The following CHRNA10 variants were observed in gnomAD, a reference collection of about 807,000 sequenced individuals.
CHRNA10 encodes neuronal acetylcholine receptor subunit alpha-10.
Under a neutral mutation model 36.0 loss-of-function variants are expected in CHRNA10, and 31 were observed. The observed-to-expected ratio is 0.86, with a 90% CI of 0.65 to 1.16. The LOEUF (loss-of-function observed/expected upper bound fraction) is 1.16, where lower values mean the gene tolerates loss of function less well. CHRNA10 is among the 50% of genes most tolerant of loss of function. The probability of loss-of-function intolerance (pLI) is 0.00; values close to 1 mark genes in which losing one functional copy is unlikely to be tolerated. For synonymous variants in CHRNA10, 302 were observed against 287.0 expected (o/e 1.05, Z -0.53); for missense variants, 648 against 640.9 (o/e 1.01, Z -0.12).
At chr11:3,670,021 G>C in intron 1 of CHRNA10, 80 bp from the exon 2 acceptor site, 1 of 1,517,028 alleles carries the variant, frequency 6.6e-7, no homozygotes, top group Non-Finnish European at 9.1e-7. Context: ...TCCCAGGGCT[G>C]GGGCCCTGTC....
chr11:3,667,179 C>A, intron 4 of CHRNA10, 53 bp downstream of exon 4: 1 of 1,495,444 alleles, frequency 6.7e-7, no homozygotes, highest in Non-Finnish European at 8.9e-7. Context: ...CGCGGCCCCG[C>A]CCTGGGGGGA....
chr11:3,665,940 T>C lies in CHRNA10; in HGVS notation c.*167A>G. ...CTCTGGACTTCCTTTAGTTAGGGTG[T>C]GTAGACAATGAGTGCTCCCTTGTGG... On this transcript the variant is annotated 3_prime_UTR_variant, in exon 5 of 5. Coordinates refer to ENST00000250699, the MANE Select transcript of CHRNA10 (RefSeq NM_020402.4). 1.8e-6 allele frequency: 1 copy of C among 570,248 alleles called. No homozygotes were observed. The allele number at this position is 570,248 out of a possible 1,614,324, so 35.3% of individuals were successfully genotyped here.
At chr11:3,670,648 T>C (rs995886299) in intron 1 of CHRNA10, among the ~76,000 whole-genome samples, 3 of 152,152 alleles carry the variant, frequency 2.0e-5, no homozygotes, top group African/African-American at 7.2e-5. Flanking sequence ...TCTCAGCAAA[T>C]AGCATGCCCT....
At chr11:3,667,912 C>T (rs1384097286) in intron 3 of CHRNA10, 148 bp from the exon 4 acceptor site, 6 of 698,184 alleles carry the variant, frequency 8.6e-6, no homozygotes, top group African/African-American at 5.7e-5. Context: ...GAGACACTCA[C>T]GACGCAGGGG....
chr11:3,670,603 T>C (rs1188099816), intron 1 of CHRNA10, among the ~76,000 whole-genome samples: 6 of 152,294 alleles, frequency 3.9e-5, no homozygotes, highest in Non-Finnish European at 5.9e-5. Flanking sequence ...CCTCCCTCCA[T>C]GCTCTGAAAC....
rs1226800647 is a variant in CHRNA10, at chr11:3,665,597, A to T, written c.*510T>A. ...AGGGCATCGAGGAGGTGCTAGGTAC[A>T]CGCTTACTTTATTGAGTCAGGGATT... On this transcript the variant is annotated 3_prime_UTR_variant, in exon 5 of 5. Coordinates refer to ENST00000250699, the MANE Select transcript of CHRNA10 (RefSeq NM_020402.4). The T allele has an allele frequency of 2.6e-5, 4 of 153,060 alleles. No homozygotes were observed. Among genetic ancestry groups the T allele is most frequent in the Non-Finnish European group, 5.8e-5 (4 of 68,762 alleles). 9.5% of individuals were successfully genotyped at this position (153,060 alleles called of 1,614,324 possible). A position where few individuals can be genotyped will look rare whatever the true frequency, so the allele number is the denominator to read the frequency against.
Position 3,667,272 on chromosome 11 carries a change from C to G in CHRNA10, c.855G>C (p.Leu285=). The change falls in exon 4 of 5, where the codon CTG becomes CTC. Residue 285 remains leucine, a synonymous_variant. Transcript: ENST00000250699. ...LLALTVFQLL[L]AESMPPAESV... ...TCTCGGCCGGTGGCATGCTCTCGGC[C>G]AGCAGCAACTGGAAGACGGTGAGCG... 6.3e-7 allele frequency: 1 copy of G among 1,596,504 alleles called. No individual in the cohort carries two copies. Among genetic ancestry groups the G allele is most frequent in the South Asian group, 1.1e-5 (1 of 90,740 alleles).
chr11:3,667,388 A>C lies in CHRNA10; in HGVS notation c.739T>G (p.Cys247Gly). 6.2e-7 allele frequency: 1 copy of C among 1,601,748 alleles called. No homozygotes were observed. The highest frequency in any genetic ancestry group is 1.1e-5 in the South Asian group (1 of 90,910). Reference sequence around the variant, plus strand: ...GGCGCAAGCAGCGAGATGAGCACGCAGGGCAGCAGCAGGTTGCACACGTAG... The same window carrying C: ...GGCGCAAGCAGCGAGATGAGCACGCCGGGCAGCAGCAGGTTGCACACGTAG... Reference protein sequence around the residue: ...AAYVCNLLLPCVLISLLAPLA... With the variant: ...AAYVCNLLLPGVLISLLAPLA... Residue 247 changes from cysteine to glycine, a missense_variant, in exon 4 of 5, where the codon TGC (cysteine) becomes GGC (glycine). Transcript: ENST00000250699.
In CHRNA10 at chr11:3,669,612, C is replaced by T. The variant is rs138849386; in HGVS notation, c.207+184G>A. On this transcript the variant is annotated intron_variant, in intron 2 of 4. Transcript: ENST00000250699. The stretch of plus-strand genomic sequence containing the variant: ...GTTCAGGTGAACAAAATATTGGGCA[C>T]GAGGTAGGCACCCAATACTCAGTAC... The T allele has an allele frequency of 6.7e-5, 56 of 835,520 alleles. No individual in the cohort carries two copies. The East Asian group carries it at 1.3e-3, about 19-fold the overall frequency. 51.8% of individuals were successfully genotyped at this position (835,520 alleles called of 1,614,324 possible).
rs555234421 is a variant in CHRNA10 at position 3,666,413 on chromosome 11, G to T, written c.1047C>A (p.Cys349Ter). 6.2e-7 allele frequency: 1 copy of T among 1,613,930 alleles called. No individual in the cohort carries two copies. The highest frequency in any genetic ancestry group is 1.1e-5 in the South Asian group (1 of 91,072). ...LLLGHLARGL[C>*]VRERGEPCGQ... Reference sequence around the variant, plus strand: ...CACAGGGCTCCCCTCTTTCCCGCACGCACAGGCCCCGTGCCAGGTGTCCCA... The same window carrying T: ...CACAGGGCTCCCCTCTTTCCCGCACTCACAGGCCCCGTGCCAGGTGTCCCA... Residue 349 changes from cysteine to a stop codon, truncating the protein, a stop_gained, in exon 5 of 5, where the codon TGC becomes TGA. Coordinates refer to ENST00000250699, the MANE Select transcript of CHRNA10 (RefSeq NM_020402.4). LOFTEE classifies it high-confidence loss of function.
Position 3,667,598 on chromosome 11 carries a change from G to A in CHRNA10, c.529C>T (p.His177Tyr). ...CGCACATCCAGTTGGTGCCCGCCGT[G>A]AGTCCAGGAGCCGAACGTCAGGCCG... Reference protein sequence around the residue: ...HCGLTFGSWTHGGHQLDVRPR... With the variant: ...HCGLTFGSWTYGGHQLDVRPR... The change falls in exon 4 of 5, where the codon CAC (histidine) becomes TAC (tyrosine). Residue 177 changes from histidine (H) to tyrosine (Y), a missense_variant. Transcript: ENST00000250699. 1 of 1,557,418 alleles carries A rather than the reference G, an allele frequency of 6.4e-7. No homozygotes were observed. The highest frequency in any genetic ancestry group is 8.6e-7 in the Non-Finnish European group (1 of 1,156,378).
Position 3,667,589 on chromosome 11 carries a change from G to C in CHRNA10, c.538C>G (p.His180Asp), listed in dbSNP as rs528669032. The C allele has an allele frequency of 1.3e-6, 2 of 1,555,670 alleles. No homozygotes were observed. The highest frequency in any genetic ancestry group is 1.4e-5 in the African/African-American group (1 of 73,660). Residue 180 changes from histidine to aspartate, a missense_variant, in exon 4 of 5, where the codon CAC becomes GAC. Transcript: ENST00000250699. ...LTFGSWTHGGHQLDVRPRGAA... is the reference protein window; with the variant it reads ...LTFGSWTHGGDQLDVRPRGAA... ...CCGCGCGGCCGCACATCCAGTTGGTGCCCGCCGTGAGTCCAGGAGCCGAAC... is the reference window on the plus strand; with the variant it reads ...CCGCGCGGCCGCACATCCAGTTGGTCCCCGCCGTGAGTCCAGGAGCCGAAC...
At chr11:3,670,081 C>G (rs1250036705) in intron 1 of CHRNA10, 140 bp from the exon 2 acceptor site, 23 of 908,554 alleles carry the variant, frequency 2.5e-5, no homozygotes, top group Middle Eastern at 3.3e-4. Flanking sequence ...AGCTGTGGCT[C>G]TAGTTCCTCC....
chr11:3,671,098 CA>C (rs2077710365), intron 1 of CHRNA10, 153 bp downstream of exon 1: 2 of 765,846 alleles, frequency 2.6e-6, no homozygotes, highest in East Asian at 5.3e-5. Context: ...CGCACTTCAG[CA>C]CCCCTCTCCT....
chr11:3,668,261 C>A (rs2077685082), intron 3 of CHRNA10, among the ~76,000 whole-genome samples: 1 of 152,098 alleles, frequency 6.6e-6, no homozygotes, highest in African/African-American at 2.4e-5. Context: ...CGCCTGTGAT[C>A]CCAGCACTTT....
Position 3,665,979 on chromosome 11 carries a change from G to A in CHRNA10, c.*128C>T. The A allele has an allele frequency of 1.3e-6, 1 of 750,316 alleles. No homozygotes were observed. 46.5% of individuals were successfully genotyped at this position (750,316 alleles called of 1,614,324 possible). A position where few individuals can be genotyped will look rare whatever the true frequency, so the allele number is the denominator to read the frequency against. ...GCTCCCTTGTGGATTGTGAAGTCAA[G>A]TGTCTCAGGATCTTAGGAGCAGTGG... is the stretch of plus-strand genomic sequence containing the variant. On this transcript the variant is annotated 3_prime_UTR_variant, in exon 5 of 5. Transcript: ENST00000250699.
intron 3 of CHRNA10, among the ~76,000 whole-genome samples, chr11:3,668,107 C>T (rs1432503070): frequency 6.6e-6 from 1 of 152,252 alleles, no homozygotes; most frequent in Non-Finnish European, 1.5e-5. Context: ...CTATTTATAA[C>T]TTACTGGCTC....
At chr11:3,670,792 A>G (rs2077707633) in intron 1 of CHRNA10, among the ~76,000 whole-genome samples, 1 of 152,106 alleles carries the variant, frequency 6.6e-6, no homozygotes, top group African/African-American at 2.4e-5. Flanking sequence ...TTTGCGAAAC[A>G]TCGTCTTGAG....
rs2077656650 is a variant in CHRNA10, at chr11:3,666,035, C to T, written c.*72G>A. On this transcript the variant is annotated 3_prime_UTR_variant, in exon 5 of 5. Coordinates refer to ENST00000250699, the MANE Select transcript of CHRNA10 (RefSeq NM_020402.4). ...GACTGGCTGGCCCAAAGACCAGCAA[C>T]CACTTGGCCGTGGCTGTCCCTTTCT... 7.3e-7 allele frequency: 1 copy of T among 1,367,986 alleles called. No homozygotes were observed. Among genetic ancestry groups the T allele is most frequent in the Admixed American group, 2.9e-5 (1 of 34,792 alleles). 84.7% of individuals were successfully genotyped at this position (1,367,986 alleles called of 1,614,324 possible).
Sources: allele counts gnomAD v4.1 joint callset (sites outside exome capture counted in the v4.1 genomes callset), GRCh38; gene constraint gnomAD v4.1.1; transcripts MANE v1.5; gene names NCBI Gene and HGNC (gene_info 2026-07-23, HGNC 2026-07-21).